SRGAP3: variants seen among roughly 807,000 people sequenced by gnomAD.
The protein encoded by SRGAP3 is SLIT-ROBO Rho GTPase activating protein 3, also known as SLIT-ROBO Rho GTPase-activating protein 3.
In SRGAP3, 39 loss-of-function variants were observed where a neutral mutation model predicts 121.1. The observed-to-expected ratio is 0.32, with a 90% CI of 0.25 to 0.42. The LOEUF (loss-of-function observed/expected upper bound fraction) is 0.42, where lower values mean the gene tolerates loss of function less well. Among genes scored for constraint, SRGAP3 ranks in the 10% least tolerant of loss-of-function variants. The probability of loss-of-function intolerance (pLI) is 1.00; values close to 1 mark genes in which losing one functional copy is unlikely to be tolerated. For synonymous variants in SRGAP3, 601 were observed against 570.0 expected (o/e 1.05, Z -0.77); for missense variants, 1,213 against 1,470.6 (o/e 0.82, Z 2.86).
chr3:9,156,541 C>A (rs1950422328), intron 1 of SRGAP3, among the ~76,000 whole-genome samples: 1 of 152,212 alleles, frequency 6.6e-6, no homozygotes, highest in Non-Finnish European at 1.5e-5. Flanking sequence ...AGACATCAAT[C>A]CAGAGAAGCT....
At chr3:9,296,522 T>TTATC (rs1313112539) in intron 3 of SRGAP3, among the ~76,000 whole-genome samples, 1 of 152,226 alleles carries the variant, frequency 6.6e-6, no homozygotes, top group Non-Finnish European at 1.5e-5. Flanking sequence ...CTGACTTAGA[T>TTATC]TCTTTTTGTA....
At chr3:9,011,556 T>C (rs1241904061) in intron 17 of SRGAP3, among the ~76,000 whole-genome samples, 3 of 152,202 alleles carry the variant, frequency 2.0e-5, no homozygotes, top group Admixed American at 1.3e-4. Context: ...TTGGCTCCTG[T>C]TCATTCTGCA....
intron 1 of SRGAP3, among the ~76,000 whole-genome samples, chr3:9,242,835 TCAC>T (rs1953693751): frequency 6.6e-6 from 1 of 151,964 alleles, no homozygotes; most frequent in Non-Finnish European, 1.5e-5. Context: ...CAGGCATGTA[TCAC>T]CACACCTGGC....
chr3:9,091,074 CCT>C (rs1947735181), intron 3 of SRGAP3, among the ~76,000 whole-genome samples: 1 of 152,014 alleles, frequency 6.6e-6, no homozygotes, highest in South Asian at 2.1e-4. Flanking sequence ...AAGAACAAGA[CCT>C]CTCACACACA....
intron 1 of SRGAP3, among the ~76,000 whole-genome samples, chr3:9,173,251 A>C (rs535075412): frequency 6.6e-6 from 1 of 152,300 alleles, no homozygotes; most frequent in East Asian, 1.9e-4. Flanking sequence ...TTTGTGCACC[A>C]CCCACATAAG....
intron 3 of SRGAP3, among the ~76,000 whole-genome samples, chr3:9,098,230 G>A (rs1032241037): frequency 4.6e-5 from 7 of 152,208 alleles, no homozygotes; most frequent in Non-Finnish European, 1.0e-4. Flanking sequence ...AGCTCCTTGA[G>A]GGAGAGGAGG....
At chr3:9,060,192 G>A (rs1201799213) in intron 6 of SRGAP3, 39 bp downstream of exon 6, 1 of 1,613,530 alleles carries the variant, frequency 6.2e-7, no homozygotes. Flanking sequence ...CAGCCCTGGT[G>A]TGGGCCCTGC....
chr3:9,039,317 T>C (rs1336047092), intron 10 of SRGAP3, among the ~76,000 whole-genome samples: 2 of 152,182 alleles, frequency 1.3e-5, no homozygotes, highest in Admixed American at 6.5e-5. Context: ...CCTCAAAATG[T>C]TGGAGTGCCA....
In SRGAP3 at chr3:8,996,813, G is replaced by A. The variant is rs191323011; in HGVS notation, c.2228-2290C>T. Among the ~76,000 whole-genome samples the A allele has an allele frequency of 1.2e-3, 183 of 152,340 alleles. 1 individual carries two copies. Among genetic ancestry groups the A allele is most frequent in the African/African-American group, 4.2e-3 (176 of 41,582 alleles). ...AGCCCAGACAGCTGCGTGCTCCTGG[G>A]TTCGCCCAGGGACTTCCTCTGACCC... On this transcript the variant is annotated intron_variant, in intron 18 of 21. Coordinates refer to ENST00000383836, the MANE Select transcript of SRGAP3 (RefSeq NM_014850.4).
At chr3:9,114,854 C>T (rs1469591954) in intron 2 of SRGAP3, among the ~76,000 whole-genome samples, 1 of 152,188 alleles carries the variant, frequency 6.6e-6, no homozygotes, top group East Asian at 1.9e-4. Flanking sequence ...ATCTTCTAAG[C>T]ACCCCACACA....
intron 5 of SRGAP3, among the ~76,000 whole-genome samples, chr3:9,063,066 A>G (rs1290493413): frequency 6.6e-6 from 1 of 151,390 alleles, no homozygotes; most frequent in Admixed American, 6.6e-5. Flanking sequence ...TGTGGGTATG[A>G]AGTGATAGTT....
intron 15 of SRGAP3, 117 bp from the exon 16 acceptor site, chr3:9,013,959 T>G: frequency 2.2e-6 from 2 of 903,038 alleles, no homozygotes; most frequent in Non-Finnish European, 3.6e-6. Flanking sequence ...AGCTCTACTC[T>G]TGATTCCAGG....
intron 1 of SRGAP3, among the ~76,000 whole-genome samples, chr3:9,238,311 G>A (rs752117672): frequency 5.3e-5 from 8 of 152,096 alleles, no homozygotes; most frequent in Non-Finnish European, 1.2e-4. Flanking sequence ...TGACCCCCTT[G>A]GTCCCTCCTC....
intron 2 of SRGAP3, among the ~76,000 whole-genome samples, chr3:9,329,333 G>T (rs1955567103): frequency 6.6e-6 from 1 of 152,118 alleles, no homozygotes; most frequent in Admixed American, 6.5e-5. Context: ...CTTTCCCTGA[G>T]GGGCCCCAGT....
At chr3:9,151,182 T>C (rs1337618583) in intron 1 of SRGAP3, among the ~76,000 whole-genome samples, 1 of 151,980 alleles carries the variant, frequency 6.6e-6, no homozygotes, top group Non-Finnish European at 1.5e-5. Context: ...GAAGGCAAGA[T>C]GGGCCATATC....
At chr3:9,144,222 C>T (rs866032501) in intron 1 of SRGAP3, among the ~76,000 whole-genome samples, 13 of 152,346 alleles carry the variant, frequency 8.5e-5, no homozygotes, top group South Asian at 6.2e-4. Flanking sequence ...TTTAGGATAA[C>T]AGATCAAGTC....
chr3:9,155,881 T>C (rs1950399518), intron 1 of SRGAP3, among the ~76,000 whole-genome samples: 1 of 152,226 alleles, frequency 6.6e-6, no homozygotes, highest in African/African-American at 2.4e-5. Context: ...AGTGGTGCGA[T>C]CTTGGCTCAC....
chr3:9,044,632 C>A (rs892300276), intron 10 of SRGAP3, among the ~76,000 whole-genome samples: 2 of 152,204 alleles, frequency 1.3e-5, no homozygotes, highest in African/African-American at 4.8e-5. Flanking sequence ...AACTGAGGCA[C>A]TAGACATGAT....
At chr3:9,163,262 G>C (rs574469790) in intron 1 of SRGAP3, among the ~76,000 whole-genome samples, 1 of 152,218 alleles carries the variant, frequency 6.6e-6, no homozygotes, top group African/African-American at 2.4e-5. Context: ...GCCCACTCTC[G>C]TGGGAGAGAT....
Sources: allele counts gnomAD v4.1 joint callset (sites outside exome capture counted in the v4.1 genomes callset), GRCh38; gene constraint gnomAD v4.1.1; transcripts MANE v1.5; gene names NCBI Gene and HGNC (gene_info 2026-07-23, HGNC 2026-07-21).